Variants in SDHAF4 observed in about 807,000 individuals in gnomAD.
SDHAF4 encodes succinate dehydrogenase assembly factor 4, mitochondrial.
SDHAF4 carries 14 observed loss-of-function variants against 14.3 expected under a neutral mutation model. That is an observed-to-expected ratio of 0.98 (90% CI 0.65 to 1.53). The LOEUF (loss-of-function observed/expected upper bound fraction) is 1.53. SDHAF4 is among the 40% of genes most tolerant of loss of function. The pLI, the probability that SDHAF4 is intolerant of heterozygous loss-of-function variation, is 0.00. For missense variants in SDHAF4, 141 were observed against 129.3 expected, an observed-to-expected ratio of 1.09 and a Z score of -0.44; for synonymous variants, 63 against 47.3, an observed-to-expected ratio of 1.33 and a Z score of -1.36.
intron 1 of SDHAF4, 33 bp from the exon 2 acceptor site, chr6:70,579,381 G>T: frequency 7.2e-7 from 1 of 1,394,738 alleles, no homozygotes; most frequent in Non-Finnish European, 9.4e-7. Flanking sequence ...TAAATGAACA[G>T]CTCCTATTTT....
chr6:70,583,586 G>T (rs1328504255), intron 2 of SDHAF4, among the ~76,000 whole-genome samples: 4 of 152,100 alleles, frequency 2.6e-5, no homozygotes, highest in South Asian at 4.1e-4. Context: ...TTAATACAGG[G>T]TTGTCCAATC....
chr6:70,594,651 G>A, the SDHAF4 span, among the ~76,000 whole-genome samples: 10 of 152,102 alleles, frequency 6.6e-5, no homozygotes, highest in Non-Finnish European at 1.3e-4. Context: ...AATGGCTCAC[G>A]CCCATAATCC....
intron 2 of SDHAF4, among the ~76,000 whole-genome samples, chr6:70,587,225 C>T (rs1223697986): frequency 2.0e-5 from 3 of 147,048 alleles, no homozygotes; most frequent in Non-Finnish European, 3.0e-5. Context: ...TGCAGTGGCT[C>T]ACGCCTGTAA....
chr6:70,582,994 T>A (rs1456371209), intron 2 of SDHAF4, among the ~76,000 whole-genome samples: 3 of 152,134 alleles, frequency 2.0e-5, no homozygotes, highest in African/African-American at 7.2e-5. Flanking sequence ...GAAAGGAAGA[T>A]GAGATAATGT....
chr6:70,588,685 T>C lies in SDHAF4; in HGVS notation c.288T>C (p.Tyr96=), dbSNP rs73488105. The C allele has an allele frequency of 0.011, 17,869 of 1,606,226 alleles. 481 individuals are homozygous for C. The highest frequency in any genetic ancestry group is 0.1 in the African/African-American group (7,737 of 74,692). The change falls in exon 3 of 3, where the codon TAT becomes TAC. Residue 96 remains tyrosine (Y), a synonymous_variant. Transcript: ENST00000370474. The part of the protein sequence containing the change: ...GGPRGPEPTR[Y]GDWERKGRCI... ...CCAGGGGCCCAGAACCTACCCGATA[T>C]GGAGATTGGGAACGAAAAGGACGCT...
chr6:70,588,640 G>A lies in SDHAF4; in HGVS notation c.243G>A (p.Val81=), dbSNP rs1396058837. The part of the protein sequence containing the change: ...LEKFPDDVNP[V]TKEKGGPRGP... ...AATTTCCAGATGATGTTAATCCAGTGACCAAAGAAAAAGGTGGACCCAGGG... is the reference window on the plus strand; with the variant it reads ...AATTTCCAGATGATGTTAATCCAGTAACCAAAGAAAAAGGTGGACCCAGGG... The change falls in exon 3 of 3, where the codon GTG becomes GTA. Residue 81 remains valine (V), a synonymous_variant. Coordinates refer to ENST00000370474, the MANE Select transcript of SDHAF4 (RefSeq NM_145267.3). 2 of 1,598,674 alleles carry A rather than the reference G, an allele frequency of 1.3e-6. No individual in the cohort carries two copies. The highest frequency in any genetic ancestry group is 1.7e-5 in the Admixed American group (1 of 59,662).
chr6:70,597,165 G>A, the SDHAF4 span, among the ~76,000 whole-genome samples: 10 of 152,104 alleles, frequency 6.6e-5, no homozygotes, highest in East Asian at 1.9e-4. Flanking sequence ...AGTGAGCCTC[G>A]CTCTGTCACC....
At chr6:70,598,409 A>G in the SDHAF4 span, among the ~76,000 whole-genome samples, 16 of 152,256 alleles carry the variant, frequency 1.1e-4, no homozygotes, top group East Asian at 2.7e-3. Context: ...AAAATAAAAT[A>G]TCTTTTATTT....
At chr6:70,594,088 G>A (rs977665757), downstream of SDHAF4, among the ~76,000 whole-genome samples, 7 of 152,304 alleles carry the variant, frequency 4.6e-5, no homozygotes, top group Admixed American at 2.0e-4. Context: ...TTTTGGAATG[G>A]AAATGTGTAT....
At chr6:70,583,825 G>A (rs565996523) in intron 2 of SDHAF4, among the ~76,000 whole-genome samples, 17 of 152,200 alleles carry the variant, frequency 1.1e-4, no homozygotes, top group Non-Finnish European at 2.1e-4. Flanking sequence ...TGGATTAATT[G>A]AATATAAAGC....
At chr6:70,595,394 T>G in the SDHAF4 span, among the ~76,000 whole-genome samples, 12 of 152,174 alleles carry the variant, frequency 7.9e-5, no homozygotes, top group African/African-American at 2.7e-4. Context: ...AGAAACAAAT[T>G]AACTAGTGTG....
At chr6:70,596,276 A>G in the SDHAF4 span, among the ~76,000 whole-genome samples, 11 of 152,184 alleles carry the variant, frequency 7.2e-5, no homozygotes, top group Admixed American at 6.5e-4. Context: ...CCAGCCAATG[A>G]GTGAGAATGG....
chr6:70,575,917 T>C (rs1276454452), intron 1 of SDHAF4, among the ~76,000 whole-genome samples: 1 of 152,206 alleles, frequency 6.6e-6, no homozygotes, highest in Admixed American at 6.5e-5. Flanking sequence ...GTTTTAAGTT[T>C]GTCAGCTATT....
chr6:70,585,667 G>A (rs1000112844), intron 2 of SDHAF4, among the ~76,000 whole-genome samples: 2 of 152,330 alleles, frequency 1.3e-5, no homozygotes, highest in East Asian at 1.9e-4. Flanking sequence ...AAGGGAATTC[G>A]TGGAGTAGGA....
chr6:70,592,671 G>C (rs548999667), downstream of SDHAF4, among the ~76,000 whole-genome samples: 1 of 152,202 alleles, frequency 6.6e-6, no homozygotes, highest in Non-Finnish European at 1.5e-5. Flanking sequence ...TTAGGCTATT[G>C]CATGGCTACT....
intron 1 of SDHAF4, among the ~76,000 whole-genome samples, chr6:70,572,786 T>A (rs1802201707): frequency 1.3e-5 from 2 of 152,188 alleles, no homozygotes; most frequent in African/African-American, 2.4e-5. Flanking sequence ...AAAATTACAT[T>A]CCTCTGTTCA....
At chr6:70,588,037 CAGAA>C (rs1765223566) in intron 2 of SDHAF4, among the ~76,000 whole-genome samples, 2 of 152,314 alleles carry the variant, frequency 1.3e-5, no homozygotes, top group East Asian at 3.9e-4. Context: ...TTTTACTGGT[CAGAA>C]AACTGTGGCA....
At position 70,579,402 on chromosome 6, in the gene SDHAF4, C is replaced by G. The variant is rs1188950180; in HGVS notation, c.65-12C>G. 6.7e-7 allele frequency: 1 copy of G among 1,483,016 alleles called. No individual in the cohort carries two copies. The highest frequency in any genetic ancestry group is 9.0e-7 in the Non-Finnish European group (1 of 1,114,892). 91.9% of individuals were successfully genotyped at this position (1,483,016 alleles called of 1,614,324 possible). On this transcript the variant is annotated splice_polypyrimidine_tract_variant and intron_variant, in intron 1 of 2. Transcript: ENST00000370474. ...AACAGCTCCTATTTTTCTATTATCT[C>G]CACTCTTCTAGGATCACCCCTTCTG...
intron 2 of SDHAF4, among the ~76,000 whole-genome samples, chr6:70,582,592 T>G (rs1215195312): frequency 1.3e-5 from 2 of 152,150 alleles, no homozygotes; most frequent in Non-Finnish European, 2.9e-5. Flanking sequence ...ATCCTCCTCT[T>G]CCTTCGGGAT....
Sources: gnomAD v4.1 joint callset for allele counts (sites outside exome capture counted in the v4.1 genomes callset) on GRCh38, gnomAD v4.1.1 for gene constraint, MANE v1.5 for transcripts, NCBI Gene and HGNC (gene_info 2026-07-23, HGNC 2026-07-21) for gene names.